Variants in PTPRT observed in about 807,000 individuals in gnomAD.
PTPRT encodes the protein protein tyrosine phosphatase receptor type T, also known as receptor-type tyrosine-protein phosphatase T.
PTPRT carries 56 observed loss-of-function variants against 176.8 expected under a neutral mutation model. That is an observed-to-expected ratio of 0.32 (90% CI 0.26 to 0.40). PTPRT has a LOEUF of 0.40. Among genes scored for constraint, PTPRT ranks in the 10% least tolerant of loss-of-function variants. The probability of loss-of-function intolerance (pLI) is 1.00; values close to 1 mark genes in which losing one functional copy is unlikely to be tolerated. For missense variants in PTPRT, 1,540 were observed against 1,908.2 expected (o/e 0.81, Z 3.60); for synonymous variants, 783 against 739.0 (o/e 1.06, Z -0.96).
intron 7 of PTPRT, among the ~76,000 whole-genome samples, chr20:42,531,393 G>A (rs1308000059): frequency 1.3e-5 from 2 of 152,168 alleles, no homozygotes; most frequent in South Asian, 2.1e-4. Context: ...AAGAAAGGAG[G>A]TTTCTATAAA....
chr20:42,100,971 A>G (rs1302479871), intron 26 of PTPRT, among the ~76,000 whole-genome samples: 1 of 152,154 alleles, frequency 6.6e-6, no homozygotes, highest in African/African-American at 2.4e-5. Flanking sequence ...TCCTGCCTCT[A>G]ACACCCAGAC....
At chr20:42,316,589 T>G (rs2057724384) in intron 11 of PTPRT, among the ~76,000 whole-genome samples, 1 of 152,192 alleles carries the variant, frequency 6.6e-6, no homozygotes, top group Non-Finnish European at 1.5e-5. Context: ...AGGCCTTCCA[T>G]TGTCCAAATT....
At chr20:42,261,491 G>A (rs926697196) in intron 13 of PTPRT, among the ~76,000 whole-genome samples, 8 of 151,042 alleles carry the variant, frequency 5.3e-5, no homozygotes, top group African/African-American at 2.0e-4. Flanking sequence ...AAGACCAGGT[G>A]AAGCTGAGTC....
chr20:42,179,088 G>A (rs922861937), intron 16 of PTPRT, among the ~76,000 whole-genome samples: 3 of 152,160 alleles, frequency 2.0e-5, no homozygotes, highest in Admixed American at 6.6e-5. Flanking sequence ...GATCATTGGG[G>A]CCATCTTAAA....
intron 1 of PTPRT, among the ~76,000 whole-genome samples, chr20:43,003,790 T>G (rs1376573974): frequency 3.9e-5 from 6 of 152,154 alleles, no homozygotes; most frequent in Non-Finnish European, 8.8e-5. Context: ...TAGGCACATT[T>G]GAGAAGCATG....
At chr20:42,836,406 A>C (rs187942925) in intron 2 of PTPRT, among the ~76,000 whole-genome samples, 98 of 152,352 alleles carry the variant, frequency 6.4e-4, no homozygotes, top group African/African-American at 2.3e-3. Flanking sequence ...AATAAATGGC[A>C]ACCCTTGGAC....
At chr20:42,993,291 G>T (rs558572362) in intron 1 of PTPRT, among the ~76,000 whole-genome samples, 1 of 150,376 alleles carries the variant, frequency 6.6e-6, no homozygotes, top group East Asian at 2.0e-4. Context: ...GGTGGCGGGT[G>T]CATGTAGTCC....
intron 6 of PTPRT, among the ~76,000 whole-genome samples, chr20:42,706,607 T>G (rs2076063896): frequency 6.6e-6 from 1 of 152,198 alleles, no homozygotes; most frequent in Non-Finnish European, 1.5e-5. Context: ...AAAATTTAGT[T>G]TCTTCTTTCT....
intron 7 of PTPRT, among the ~76,000 whole-genome samples, chr20:42,639,926 A>G (rs2074700509): frequency 6.6e-6 from 1 of 152,098 alleles, no homozygotes; most frequent in Non-Finnish European, 1.5e-5. Flanking sequence ...TTACAAAATA[A>G]CCAGAAAATC....
chr20:42,190,497 T>C (rs1990961510), intron 16 of PTPRT, among the ~76,000 whole-genome samples: 1 of 152,148 alleles, frequency 6.6e-6, no homozygotes, highest in Non-Finnish European at 1.5e-5. Context: ...AGAGAGGCCA[T>C]AATTCTACTA....
At chr20:43,104,777 A>C (rs2012530218) in intron 1 of PTPRT, among the ~76,000 whole-genome samples, 1 of 152,204 alleles carries the variant, frequency 6.6e-6, no homozygotes, top group African/African-American at 2.4e-5. Flanking sequence ...CTCTTCGCAG[A>C]ATTCATTTCC....
intron 1 of PTPRT, among the ~76,000 whole-genome samples, chr20:43,108,858 A>T (rs961033014): frequency 5.3e-5 from 8 of 152,328 alleles, no homozygotes; most frequent in South Asian, 2.1e-4. Flanking sequence ...TCTGAAATTT[A>T]AAAAAGGCTT....
chr20:43,126,400 G>A (rs1283448607), intron 1 of PTPRT, among the ~76,000 whole-genome samples: 1 of 151,966 alleles, frequency 6.6e-6, no homozygotes, highest in Non-Finnish European at 1.5e-5. Context: ...GAAAGTCATT[G>A]AGAATTTGGT....
chr20:42,694,796 G>A (rs1219126749), intron 6 of PTPRT, among the ~76,000 whole-genome samples: 3 of 6,294 alleles, frequency 4.8e-4, no homozygotes, highest in African/African-American at 2.3e-3. Flanking sequence ...CTTTTCAAGT[G>A]TTTATCTCAT....
intron 7 of PTPRT, among the ~76,000 whole-genome samples, chr20:42,582,888 T>C (rs778512479): frequency 5.3e-5 from 8 of 152,176 alleles, no homozygotes; most frequent in Non-Finnish European, 1.0e-4. Flanking sequence ...TTCGTTCATT[T>C]CGTTCATCCA....
chr20:42,116,353 A>G (rs1214373084), intron 21 of PTPRT, among the ~76,000 whole-genome samples: 1 of 152,164 alleles, frequency 6.6e-6, no homozygotes, highest in African/African-American at 2.4e-5. Context: ...GCAGACTAGC[A>G]TCCCATGGAA....
intron 1 of PTPRT, among the ~76,000 whole-genome samples, chr20:42,973,463 G>T (rs1982773824): frequency 6.6e-6 from 1 of 152,040 alleles, no homozygotes; most frequent in Non-Finnish European, 1.5e-5. Flanking sequence ...GTGTTTGTGT[G>T]TGTGTGTGTG....
At chr20:42,211,223 G>A (rs1187919026) in intron 15 of PTPRT, among the ~76,000 whole-genome samples, 5 of 151,986 alleles carry the variant, frequency 3.3e-5, no homozygotes, top group African/African-American at 1.2e-4. Context: ...TACCATTCAG[G>A]ACATAGGCAT....
chr20:42,899,576 T>C (rs1248951100), intron 1 of PTPRT, among the ~76,000 whole-genome samples: 2 of 152,226 alleles, frequency 1.3e-5, no homozygotes, highest in South Asian at 2.1e-4. Context: ...TCAAACGCTT[T>C]AGTTACATTC....
Sources: allele counts gnomAD v4.1 joint callset (sites outside exome capture counted in the v4.1 genomes callset), GRCh38; gene constraint gnomAD v4.1.1; transcripts MANE v1.5; gene names NCBI Gene and HGNC (gene_info 2026-07-23, HGNC 2026-07-21).